Variants in RGS7 observed in about 807,000 individuals in gnomAD.
RGS7 encodes regulator of G protein signaling 7.
Under a neutral mutation model 81.1 loss-of-function variants are expected in RGS7, and 27 were observed. That is an observed-to-expected ratio of 0.33 (90% CI 0.25 to 0.46). The LOEUF is 0.46. RGS7 is among the 20% of genes least tolerant of loss of function. The pLI is 1.00. For missense variants in RGS7, 396 were observed against 607.4 expected (o/e 0.65, Z 3.66); for synonymous variants, 208 against 207.7 (o/e 1.00, Z -0.01).
At chr1:241,233,988 A>C (rs182364308) in intron 2 of RGS7, among the ~76,000 whole-genome samples, 1 of 152,108 alleles carries the variant, frequency 6.6e-6, no homozygotes, top group East Asian at 1.9e-4. Flanking sequence ...GCATTTCTTT[A>C]ATCGTGAGCA....
At chr1:240,846,070 G>C (rs1013089583) in intron 9 of RGS7, among the ~76,000 whole-genome samples, 3 of 152,166 alleles carry the variant, frequency 2.0e-5, no homozygotes, top group African/African-American at 7.2e-5. Flanking sequence ...ATTTATTCAT[G>C]AATTCAAAAT....
chr1:241,326,143 G>A (rs2081479336), intron 2 of RGS7, among the ~76,000 whole-genome samples: 1 of 152,060 alleles, frequency 6.6e-6, no homozygotes, highest in Non-Finnish European at 1.5e-5. Context: ...CTCAAACAGA[G>A]GTGTCTCTAG....
intron 4 of RGS7, among the ~76,000 whole-genome samples, chr1:240,949,570 G>A (rs577450612): frequency 1.1e-3 from 160 of 152,266 alleles, no homozygotes; most frequent in Non-Finnish European, 1.4e-3. Context: ...AGGATGGGCC[G>A]GGTGTGGTGG....
chr1:240,787,959 T>C (rs538447121), intron 18 of RGS7, among the ~76,000 whole-genome samples: 1 of 152,344 alleles, frequency 6.6e-6, no homozygotes, highest in South Asian at 2.1e-4. Flanking sequence ...TAATATATGC[T>C]GGCTGGGCCA....
At chr1:241,223,244 A>G (rs539465485) in intron 2 of RGS7, among the ~76,000 whole-genome samples, 6 of 152,202 alleles carry the variant, frequency 3.9e-5, no homozygotes, top group Admixed American at 2.6e-4. Flanking sequence ...GGCAGCTATA[A>G]CAGTCACAAC....
At chr1:241,085,498 C>A (rs538191041) in intron 3 of RGS7, among the ~76,000 whole-genome samples, 3 of 152,280 alleles carry the variant, frequency 2.0e-5, no homozygotes, top group Non-Finnish European at 2.9e-5. Flanking sequence ...GATCTTGGCT[C>A]ACTGCAACCT....
intron 18 of RGS7, among the ~76,000 whole-genome samples, chr1:240,781,360 C>G (rs556931046): frequency 1.4e-4 from 22 of 152,338 alleles, no homozygotes; most frequent in African/African-American, 5.0e-4. Context: ...AACCCCCGCA[C>G]TTTGGGAGGC....
intron 4 of RGS7, among the ~76,000 whole-genome samples, chr1:240,978,026 C>T (rs751786897): frequency 4.6e-5 from 7 of 152,098 alleles, no homozygotes; most frequent in Non-Finnish European, 1.0e-4. Context: ...AGGATTACTC[C>T]CAGGTCCAGC....
At chr1:240,822,493 T>C (rs1056457184) in intron 10 of RGS7, among the ~76,000 whole-genome samples, 1 of 152,240 alleles carries the variant, frequency 6.6e-6, no homozygotes, top group East Asian at 1.9e-4. Context: ...GCACAAAATA[T>C]CAAAAATACA....
intron 3 of RGS7, among the ~76,000 whole-genome samples, chr1:241,085,390 C>T (rs1255313699): frequency 6.6e-6 from 1 of 152,036 alleles, no homozygotes; most frequent in South Asian, 2.1e-4. Context: ...TAAGCTTGTA[C>T]ATCATGAACT....
chr1:240,827,728 G>A (rs1306923483), intron 9 of RGS7, among the ~76,000 whole-genome samples: 1 of 151,984 alleles, frequency 6.6e-6, no homozygotes, highest in Non-Finnish European at 1.5e-5. Context: ...GCTGGGCGTG[G>A]TGGCGGGTGC....
chr1:241,022,523 C>T (rs1443025161), intron 3 of RGS7, among the ~76,000 whole-genome samples: 5 of 152,130 alleles, frequency 3.3e-5, no homozygotes, highest in Non-Finnish European at 5.9e-5. Context: ...CAGCTGATGC[C>T]ACCCAGATCT....
chr1:240,787,794 C>T (rs1287370487), intron 18 of RGS7, among the ~76,000 whole-genome samples: 1 of 152,054 alleles, frequency 6.6e-6, no homozygotes, highest in Non-Finnish European at 1.5e-5. Context: ...ACGAAGAAAC[C>T]TAGCAGCAAA....
intron 5 of RGS7, 99 bp downstream of exon 5, chr1:240,936,501 A>G: frequency 2.3e-6 from 2 of 879,894 alleles, no homozygotes; most frequent in South Asian, 2.8e-5. Context: ...AAAGTAAAAT[A>G]AGTCATAGTT....
chr1:240,828,852 C>T (rs773209039), intron 9 of RGS7, among the ~76,000 whole-genome samples: 17 of 152,176 alleles, frequency 1.1e-4, no homozygotes, highest in Non-Finnish European at 2.2e-4. Flanking sequence ...TCTATTTCTT[C>T]CCACAGACTG....
At chr1:241,343,866 T>C (rs1026337413) in intron 2 of RGS7, among the ~76,000 whole-genome samples, 3 of 152,186 alleles carry the variant, frequency 2.0e-5, no homozygotes, top group African/African-American at 7.2e-5. Flanking sequence ...TATATATTTT[T>C]ACCACAATAG....
At chr1:240,804,384 G>T (rs1688496264) in intron 15 of RGS7, among the ~76,000 whole-genome samples, 1 of 152,026 alleles carries the variant, frequency 6.6e-6, no homozygotes, top group Non-Finnish European at 1.5e-5. Context: ...ACTGAGGCGT[G>T]GAGAAGTGGT....
chr1:240,977,130 AC>A (rs1684243610), intron 4 of RGS7, among the ~76,000 whole-genome samples: 1 of 150,942 alleles, frequency 6.6e-6, no homozygotes, highest in Non-Finnish European at 1.5e-5. Flanking sequence ...ACACACACAC[AC>A]ACACACACAT....
chr1:241,235,190 A>G (rs1420495652), intron 2 of RGS7, among the ~76,000 whole-genome samples: 1 of 152,198 alleles, frequency 6.6e-6, no homozygotes, highest in Admixed American at 6.5e-5. Context: ...GCAATTAAAC[A>G]ATTTTGATTC....
Sources: gnomAD v4.1 joint callset for allele counts (sites outside exome capture counted in the v4.1 genomes callset) on GRCh38, gnomAD v4.1.1 for gene constraint, MANE v1.5 for transcripts, NCBI Gene and HGNC (gene_info 2026-07-23, HGNC 2026-07-21) for gene names.